GALNT13: variants seen among roughly 807,000 people sequenced by gnomAD.
GALNT13 encodes polypeptide N-acetylgalactosaminyltransferase 13, also known as UDP-GalNAc:polypeptide N-acetylgalactosaminyltransferase 13.
In GALNT13, 28 loss-of-function variants were observed where a neutral mutation model predicts 64.2. The observed-to-expected ratio is 0.44, with a 90% confidence interval of 0.32 to 0.60. The LOEUF (loss-of-function observed/expected upper bound fraction) is 0.60, where lower values mean the gene tolerates loss of function less well. Among genes scored for constraint, GALNT13 ranks in the 20% least tolerant of loss-of-function variants. The probability of loss-of-function intolerance (pLI) is 0.05; values close to 1 mark genes in which losing one functional copy is unlikely to be tolerated. For synonymous variants in GALNT13, 214 were observed against 224.6 expected (o/e 0.95, Z 0.42); for missense variants, 577 against 669.8 (o/e 0.86, Z 1.53).
chr2:153,728,271 T>A, the GALNT13 span, among the ~76,000 whole-genome samples: 3 of 152,310 alleles, frequency 2.0e-5, no homozygotes, highest in Admixed American at 2.0e-4. Flanking sequence ...GTAATGGGAT[T>A]GCTGAGTCAA....
the GALNT13 span, among the ~76,000 whole-genome samples, chr2:153,569,356 T>C: frequency 0.36 from 55,152 of 151,792 alleles, 10,283 homozygotes; most frequent in South Asian, 0.5. Context: ...TTGAATATAC[T>C]CTTTTAAAAA....
rs74605783 is a variant in GALNT13 at position 154,060,772 on chromosome 2, A to G, written c.143-79565A>G. Among the ~76,000 whole-genome samples the G allele has an allele frequency of 4.9e-3, 743 of 152,202 alleles. 3 individuals carry two copies. The highest frequency in any genetic ancestry group is 0.02 in the Middle Eastern group (6 of 294). On this transcript the variant is annotated intron_variant, in intron 3 of 12. Coordinates refer to ENST00000392825, the MANE Select transcript of GALNT13 (RefSeq NM_052917.4). The stretch of plus-strand genomic sequence containing the variant: ...GAGCTTGACCTAATGGGGCTCACAC[A>G]TGCTGATTCTGCTTGCATTTTTAAT...
the GALNT13 span, among the ~76,000 whole-genome samples, chr2:153,774,173 AT>A: frequency 6.6e-6 from 1 of 152,142 alleles, no homozygotes; most frequent in Non-Finnish European, 1.5e-5. Flanking sequence ...TATATAAAGA[AT>A]TTTTATTGAT....
the GALNT13 span, among the ~76,000 whole-genome samples, chr2:153,377,961 C>T: frequency 6.6e-6 from 1 of 152,034 alleles, no homozygotes; most frequent in Non-Finnish European, 1.5e-5. Context: ...ATTCTTTCAG[C>T]AAAGGGTATA....
At chr2:153,515,443 A>G in the GALNT13 span, among the ~76,000 whole-genome samples, 1 of 152,194 alleles carries the variant, frequency 6.6e-6, no homozygotes, top group Middle Eastern at 3.2e-3. Flanking sequence ...ATGTTTACCC[A>G]TTCTCCCACC....
rs985355020 is a variant in GALNT13, at chr2:154,060,042, C to A, written c.143-80295C>A. On this transcript the variant is annotated intron_variant, in intron 3 of 12. Transcript: ENST00000392825. The stretch of plus-strand genomic sequence containing the variant: ...TTTAGATGAAATAATAAAGGTAGGG[C>A]CCCTGTAGTGGGATTAGTGTTCTTA... Among the ~76,000 whole-genome samples the A allele has an allele frequency of 3.9e-5, 6 of 152,150 alleles. No homozygotes were observed. The East Asian group carries it at 1.2e-3, about 29-fold the overall frequency.
At chr2:153,923,778 A>C (rs1006050769) in intron 2 of GALNT13, among the ~76,000 whole-genome samples, 5 of 144,356 alleles carry the variant, frequency 3.5e-5, no homozygotes, top group Non-Finnish European at 5.9e-5. Context: ...CCTATGAGTG[A>C]GAACATGCGG....
At chr2:154,064,579 G>A (rs1369761189) in intron 3 of GALNT13, among the ~76,000 whole-genome samples, 1 of 152,020 alleles carries the variant, frequency 6.6e-6, no homozygotes, top group African/African-American at 2.4e-5. Flanking sequence ...AGTCATGATG[G>A]TCCCATTTTA....
intron 8 of GALNT13, among the ~76,000 whole-genome samples, chr2:154,273,937 A>G (rs961590463): frequency 3.3e-5 from 5 of 152,110 alleles, no homozygotes; most frequent in Admixed American, 1.3e-4. Flanking sequence ...TTTTACAAGT[A>G]TTGTTATAAT....
intron 3 of GALNT13, among the ~76,000 whole-genome samples, chr2:154,082,129 T>C (rs1701301693): frequency 6.6e-6 from 1 of 151,704 alleles, no homozygotes; most frequent in Admixed American, 6.6e-5. Context: ...TGTGTATTTT[T>C]AAAGGAATTT....
chr2:153,603,430 ATAC>A, the GALNT13 span, among the ~76,000 whole-genome samples: 1 of 151,986 alleles, frequency 6.6e-6, no homozygotes, highest in Non-Finnish European at 1.5e-5. Flanking sequence ...TCTGGAACAG[ATAC>A]CCAGATGTTA....
Position 154,450,394 on chromosome 2 carries a change from T to TAAGA in GALNT13, c.1531-17_1531-16insAAGA. ...AAGACGAAATAAGCTGCACTGATTA[T>TAAGA]TGGTTATCTTTTACAGAGACTCACG... On this transcript the variant is annotated splice_polypyrimidine_tract_variant and intron_variant, in intron 12 of 12. Transcript: ENST00000392825. The TAAGA allele has an allele frequency of 6.2e-7, 1 of 1,601,336 alleles. No homozygotes were observed. The highest frequency in any genetic ancestry group is 8.5e-7 in the Non-Finnish European group (1 of 1,174,586).
intron 4 of GALNT13, among the ~76,000 whole-genome samples, chr2:154,203,014 T>C (rs1687254152): frequency 1.3e-5 from 2 of 152,156 alleles, no homozygotes; most frequent in African/African-American, 2.4e-5. Context: ...CTAGATTTTA[T>C]ACACCTGCTA....
At chr2:154,184,883 T>A (rs532115946) in intron 4 of GALNT13, among the ~76,000 whole-genome samples, 1 of 152,288 alleles carries the variant, frequency 6.6e-6, no homozygotes, top group Non-Finnish European at 1.5e-5. Flanking sequence ...GAATTAAAAG[T>A]GATTTATATA....
intron 8 of GALNT13, 105 bp from the exon 9 acceptor site, chr2:154,301,304 A>T (rs1359654398): frequency 4.1e-6 from 4 of 969,166 alleles, no homozygotes; most frequent in Non-Finnish European, 6.2e-6. Flanking sequence ...TTTGCATCAG[A>T]TATTTGCTTG....
chr2:154,333,972 T>G (rs1695303597), intron 9 of GALNT13, among the ~76,000 whole-genome samples: 2 of 152,080 alleles, frequency 1.3e-5, no homozygotes, highest in African/African-American at 4.8e-5. Context: ...TGTCGTAACT[T>G]GCAAAGCTTC....
chr2:154,433,750 C>CA (rs5835516), intron 11 of GALNT13, among the ~76,000 whole-genome samples: 119,047 of 144,574 alleles, frequency 0.82, 49,285 homozygotes, highest in South Asian at 0.93. Flanking sequence ...ACAGGTTAGC[C>CA]AAAAAAAAAA....
At chr2:153,253,942 G>T in the GALNT13 span, among the ~76,000 whole-genome samples, 14 of 152,240 alleles carry the variant, frequency 9.2e-5, no homozygotes, top group Admixed American at 9.2e-4. Context: ...TTTTGGTTGT[G>T]TCTCTGCCCG....
the GALNT13 span, among the ~76,000 whole-genome samples, chr2:153,203,626 C>T: frequency 6.6e-6 from 1 of 152,142 alleles, no homozygotes; most frequent in Non-Finnish European, 1.5e-5. Flanking sequence ...TCCACAAACA[C>T]ACTGTTAATC....
Sources: gnomAD v4.1 joint callset for allele counts (sites outside exome capture counted in the v4.1 genomes callset) on GRCh38, gnomAD v4.1.1 for gene constraint, MANE v1.5 for transcripts, NCBI Gene and HGNC (gene_info 2026-07-23, HGNC 2026-07-21) for gene names.